The following GALNT3 variants were observed in gnomAD, a reference collection of about 807,000 sequenced individuals.
The protein encoded by GALNT3 is polypeptide N-acetylgalactosaminyltransferase 3.
GALNT3 carries 51 observed loss-of-function variants against 69.8 expected under a neutral mutation model. That is an observed-to-expected ratio of 0.73 (90% CI 0.58 to 0.92). GALNT3 has a LOEUF of 0.92. GALNT3 is among the 40% of genes least tolerant of loss of function. GALNT3 has a pLI of 0.00. For missense variants in GALNT3, 711 were observed against 760.0 expected (o/e 0.94, Z 0.76); for synonymous variants, 265 against 248.5 (o/e 1.07, Z -0.63).
At position 165,753,402 on chromosome 2, in the gene GALNT3, C is replaced by CA. The variant is rs1553491631; in HGVS notation, c.1626+1224_1626+1225insT. ...CAGCCACCTCACTAGCTCCTACCTA[C>CA]TTTTTTTTTTTTTAATGTTTTCAAA... On this transcript the variant is annotated intron_variant, in intron 9 of 10. Coordinates refer to ENST00000392701, the MANE Select transcript of GALNT3 (RefSeq NM_004482.4). Among the ~76,000 whole-genome samples, 886 of 145,272 alleles carry CA rather than the reference C, an allele frequency of 6.1e-3. 10 individuals carry two copies. Among genetic ancestry groups the CA allele is most frequent in the African/African-American group, 0.021 (842 of 39,980 alleles).
chr2:165,791,205 T>C (rs2105235265), intron 1 of GALNT3, among the ~76,000 whole-genome samples: 1 of 152,138 alleles, frequency 6.6e-6, no homozygotes, highest in Non-Finnish European at 1.5e-5. Context: ...AGGATTACAG[T>C]AAAGTTTTTA....
chr2:165,772,584 CAAAAAAAAA>C lies in GALNT3; in HGVS notation c.-108-1785_-108-1777del, dbSNP rs375725339. Among the ~76,000 whole-genome samples the C allele has an allele frequency of 2.1e-4, 14 of 66,974 alleles. No homozygotes were observed. In the South Asian group the frequency reaches 3.0e-3, roughly 14 times the overall value. The allele number at this position is 66,974 out of a possible 152,430, so 43.9% of individuals were successfully genotyped here. On this transcript the variant is annotated intron_variant, in intron 1 of 10. Transcript: ENST00000392701. ...TGGGTAGCAGGACAAGACTCTGTCT[CAAAAAAAAA>C]AAAAAAAAAAAAAAAAGGGAAAACA...
At chr2:165,769,443 AT>A (rs1182097346) in intron 2 of GALNT3, among the ~76,000 whole-genome samples, 1 of 135,774 alleles carries the variant, frequency 7.4e-6, no homozygotes, top group Non-Finnish European at 1.6e-5. Context: ...ATAATAATAA[AT>A]AAATAAATAA....
In GALNT3 at chr2:165,770,519, T is replaced by C. The variant is rs1300848253; in HGVS notation, c.182A>G (p.Lys61Arg). ...AGCTTCTAGCATTAAATCCAACATC[T>C]TGTTTTTGTTTTTCATGTTCCTTTC... ...RMERNMKNKN[K>R]MLDLMLEAVN... The change falls in exon 2 of 11, where the codon AAG becomes AGG. Residue 61 changes from lysine (K) to arginine (R), a missense_variant. Physicochemically the swap from Lys to Arg is conservative, Grantham distance 26 (BLOSUM62 2). Coordinates refer to ENST00000392701, the MANE Select transcript of GALNT3 (RefSeq NM_004482.4). The C allele has an allele frequency of 6.2e-7, 1 of 1,614,188 alleles. No individual in the cohort carries two copies. Among genetic ancestry groups the C allele is most frequent in the Admixed American group, 1.7e-5 (1 of 60,022 alleles).
rs545571016 is a variant in GALNT3, at chr2:165,774,356, A to G, written c.-108-3548T>C. On this transcript the variant is annotated intron_variant, in intron 1 of 10. Coordinates refer to ENST00000392701, the MANE Select transcript of GALNT3 (RefSeq NM_004482.4). ...GACAGAACATGGAAAAAGAGTTCAG[A>G]GAAAGCACAGAATAGGAAGATATGA... Among the ~76,000 whole-genome samples the G allele has an allele frequency of 2.0e-5, 3 of 152,334 alleles. No homozygotes were observed. The South Asian group carries it at 6.2e-4, about 32-fold the overall frequency.
In GALNT3 at chr2:165,770,145, C is replaced by T; in HGVS notation, c.515+41G>A. 3.1e-6 allele frequency: 5 copies of T among 1,612,720 alleles called. No individual in the cohort carries two copies. In the South Asian group the frequency reaches 4.4e-5, roughly 14 times the overall value. On this transcript the variant is annotated intron_variant, in intron 2 of 10. Coordinates refer to ENST00000392701, the MANE Select transcript of GALNT3 (RefSeq NM_004482.4). ...GCTCACCCCTCTCTCCCCTGCAAAG[C>T]CTGGTGATAAAGAATAAACAATAAA... is the stretch of plus-strand genomic sequence containing the variant.
chr2:165,769,440 TAAATA>T (rs1393446778), intron 2 of GALNT3, among the ~76,000 whole-genome samples: 4 of 112,898 alleles, frequency 3.5e-5, no homozygotes, highest in African/African-American at 1.3e-4. Flanking sequence ...ATAATAATAA[TAAATA>T]AATAAATAAA....
rs530681634 is a variant in GALNT3, at chr2:165,757,187, G to A, written c.1252C>T (p.Arg418Cys). The change falls in exon 7 of 11, where the codon CGC becomes TGC. Residue 418 changes from arginine (R) to cysteine (C), a missense_variant. By Grantham distance (180) the Arg-to-Cys change is radical. Transcript: ENST00000392701. Reference sequence around the variant, plus strand: ...GGAAAGCTATGAGGGCTTTTGCTGCGAAAAACATGTCCAACAACAGAGCAA... The same window carrying A: ...GGAAAGCTATGAGGGCTTTTGCTGCAAAAAACATGTCCAACAACAGAGCAA... Reference protein sequence around the residue: ...MPCSVVGHVFRSKSPHSFPKG... With the variant: ...MPCSVVGHVFCSKSPHSFPKG... The A allele has an allele frequency of 2.7e-5, 44 of 1,614,012 alleles. No individual in the cohort carries two copies. The highest frequency in any genetic ancestry group is 1.7e-4 in the Middle Eastern group (1 of 6,060).
chr2:165,768,210 A>T (rs1012702541), intron 2 of GALNT3, among the ~76,000 whole-genome samples: 1 of 152,168 alleles, frequency 6.6e-6, no homozygotes, highest in African/African-American at 2.4e-5. Flanking sequence ...AAATAATTAA[A>T]TCTTCACTCC....
chr2:165,770,046 A>G (rs1688720298), intron 2 of GALNT3, 140 bp downstream of exon 2: 1 of 958,588 alleles, frequency 1.0e-6, no homozygotes, highest in African/African-American at 1.6e-5. Flanking sequence ...GCAAAAAATA[A>G]ATACAACAGG....
Position 165,759,329 on chromosome 2 carries a change from A to G in GALNT3, c.1073+7T>C. 1 of 1,602,780 alleles carries G rather than the reference A, an allele frequency of 6.2e-7. No homozygotes were observed. Among genetic ancestry groups the G allele is most frequent in the East Asian group, 2.2e-5 (1 of 44,792 alleles). ...TAAATATAAGACTCTGAGAGCAATC[A>G]TCTTACTTAATTGGGTAGGTTTCAT... is the stretch of plus-strand genomic sequence containing the variant. On this transcript the variant is annotated splice_region_variant and intron_variant, in intron 5 of 10. Transcript: ENST00000392701.
rs115937134 is a variant in GALNT3, at chr2:165,772,538, T to C, written c.-108-1730A>G. ...AGGTTAAGGCTGCATTGGGCTATGATTGTGCCACTGCACTCCAGCCTGGGT... is the reference window on the plus strand; with the variant it reads ...AGGTTAAGGCTGCATTGGGCTATGACTGTGCCACTGCACTCCAGCCTGGGT... On this transcript the variant is annotated intron_variant, in intron 1 of 10. Coordinates refer to ENST00000392701, the MANE Select transcript of GALNT3 (RefSeq NM_004482.4). 3.7e-3 allele frequency among the ~76,000 whole-genome samples: 526 copies of C among 143,376 alleles called. 3 individuals are homozygous for C. The highest frequency in any genetic ancestry group is 9.2e-3 in the Admixed American group (124 of 13,422). 94.1% of individuals were successfully genotyped at this position (143,376 alleles called of 152,430 possible). A position where few individuals can be genotyped will look rare whatever the true frequency, so the allele number is the denominator to read the frequency against.
At chr2:165,762,169 T>G in intron 3 of GALNT3, 115 bp from the exon 4 acceptor site, 1 of 802,136 alleles carries the variant, frequency 1.2e-6, no homozygotes. Context: ...TCTTAACAGT[T>G]GCATGTGTCC....
chr2:165,789,245 C>G (rs992269467), intron 1 of GALNT3, among the ~76,000 whole-genome samples: 1 of 152,186 alleles, frequency 6.6e-6, no homozygotes, highest in Non-Finnish European at 1.5e-5. Flanking sequence ...CTGGCGAGGG[C>G]ACATCCCTCA....
Position 165,754,916 on chromosome 2 carries a change from A to C in GALNT3, c.1524+16T>G. On this transcript the variant is annotated intron_variant, in intron 8 of 10. Coordinates refer to ENST00000392701, the MANE Select transcript of GALNT3 (RefSeq NM_004482.4). ...AAGGAGTATATTAATTAAAAAAGGA[A>C]CAGGAAAATACTCACGTATCCAGAT... 6.2e-7 allele frequency: 1 copy of C among 1,612,708 alleles called. No individual in the cohort carries two copies. Among genetic ancestry groups the C allele is most frequent in the Non-Finnish European group, 8.5e-7 (1 of 1,178,924 alleles).
At chr2:165,752,939 T>A (rs1043238703) in intron 9 of GALNT3, among the ~76,000 whole-genome samples, 10 of 152,174 alleles carry the variant, frequency 6.6e-5, no homozygotes, top group African/African-American at 2.2e-4. Context: ...TATATGTATA[T>A]AGATATAGGT....
At chr2:165,782,973 T>C (rs1683144010) in intron 1 of GALNT3, among the ~76,000 whole-genome samples, 1 of 152,216 alleles carries the variant, frequency 6.6e-6, no homozygotes, top group African/African-American at 2.4e-5. Context: ...CCACTAGGCA[T>C]ATACCAAAGA....
At chr2:165,789,353 C>T (rs554410503) in intron 1 of GALNT3, among the ~76,000 whole-genome samples, 1 of 152,314 alleles carries the variant, frequency 6.6e-6, no homozygotes, top group African/African-American at 2.4e-5. Context: ...TACAAAAACA[C>T]ACGAGGCCAA....
intron 2 of GALNT3, among the ~76,000 whole-genome samples, chr2:165,768,996 T>C (rs532433620): frequency 1.7e-3 from 255 of 149,064 alleles, no homozygotes; most frequent in African/African-American, 6.0e-3. Flanking sequence ...GGTTTCACCA[T>C]GTTGGCCAGG....
Sources: allele counts gnomAD v4.1 joint callset (sites outside exome capture counted in the v4.1 genomes callset), GRCh38; gene constraint gnomAD v4.1.1; transcripts MANE v1.5; gene names NCBI Gene and HGNC (gene_info 2026-07-23, HGNC 2026-07-21).